The following XK variants were observed in gnomAD, a reference collection of about 807,000 sequenced individuals.
The protein encoded by XK is X-linked Kx blood group antigen, Kell and VPS13A binding protein.
XK carries 2 observed loss-of-function variants against 14.0 expected under a neutral mutation model. The observed-to-expected ratio is 0.14, with a 90% CI of 0.06 to 0.45. XK has a LOEUF of 0.45. Among genes scored for constraint, XK ranks in the 20% least tolerant of loss-of-function variants. XK has a pLI of 0.98. For synonymous variants in XK, 149 were observed against 147.5 expected, an observed-to-expected ratio of 1.01 and a Z score of -0.08; for missense variants, 235 against 341.5, an observed-to-expected ratio of 0.69 and a Z score of 2.46.
intron 2 of XK, among the ~76,000 whole-genome samples, chrX:37,701,259 G>A (rs1927410499): frequency 8.9e-6 from 1 of 112,514 alleles, no homozygotes; most frequent in South Asian, 3.7e-4. Context: ...ACAGCATAGA[G>A]TTATCAATGG....
rs1273679790 is a variant in XK, at chrX:37,691,314, C to CT, written c.246-2971dup. 2.7e-5 allele frequency among the ~76,000 whole-genome samples: 3 copies of CT among 112,655 alleles called. No homozygotes were observed. The Admixed American group carries it at 2.8e-4, about 11-fold the overall frequency. ...TTGTATGTTTTAGTCTTTCAAAACT[C>CT]TAAGCTTGATTTTATTATGCAAGTA... On this transcript the variant is annotated intron_variant, in intron 1 of 2. Transcript: ENST00000378616.
Position 37,729,487 on chromosome X carries a change from C to G in XK, c.*1025C>G, listed in dbSNP as rs1556450673. ...GACGGAATGACCAGAAAATTTTTGT[C>G]TTTCATGGAATGCAATTTGACTTGG... On this transcript the variant is annotated 3_prime_UTR_variant, in exon 3 of 3. Transcript: ENST00000378616. 1 of 111,897 alleles carries G rather than the reference C, an allele frequency of 8.9e-6. No individual in the cohort carries two copies. The highest frequency in any genetic ancestry group is 3.2e-5 in the African/African-American group (1 of 30,833). The allele number at this position is 111,897 out of a possible 1,213,427, so 9.2% of individuals were successfully genotyped here.
intron 1 of XK, among the ~76,000 whole-genome samples, chrX:37,688,049 TTCTTTCTTTC>T (rs199698231): frequency 0.12 from 9,440 of 78,812 alleles, 659 homozygotes; most frequent in African/African-American, 0.16. Context: ...CTTTCTTTCT[TTCTTTCTTTC>T]TTTTTTTTTT....
At chrX:37,699,896 C>T (rs1221632985) in intron 2 of XK, among the ~76,000 whole-genome samples, 4 of 110,666 alleles carry the variant, frequency 3.6e-5, no homozygotes, top group African/African-American at 6.6e-5. Flanking sequence ...GCACAGTGGG[C>T]GGGAATAAGC....
intron 2 of XK, among the ~76,000 whole-genome samples, chrX:37,710,475 CTGT>C (rs1266401962): frequency 5.4e-5 from 6 of 111,302 alleles, no homozygotes; most frequent in Middle Eastern, 4.7e-3. Context: ...AGATGTGAAC[CTGT>C]TGTTGTTTAC....
chrX:37,686,452 C>T (rs1225648825), intron 1 of XK, among the ~76,000 whole-genome samples: 1 of 112,096 alleles, frequency 8.9e-6, no homozygotes, highest in African/African-American at 3.2e-5. Context: ...AGCCAACATT[C>T]AACTGAAATT....
chrX:37,727,397 C>T (rs1313222461), intron 2 of XK, among the ~76,000 whole-genome samples: 3 of 111,187 alleles, frequency 2.7e-5, no homozygotes, highest in African/African-American at 6.5e-5. Flanking sequence ...GCATTGAGGG[C>T]GCTCTCGGGA....
chrX:37,708,788 TCTTTCTGCA>T (rs1323706697), intron 2 of XK, among the ~76,000 whole-genome samples: 2 of 112,647 alleles, frequency 1.8e-5, no homozygotes, highest in Admixed American at 1.9e-4. Flanking sequence ...CTTTCCAGAC[TCTTTCTGCA>T]AACCTCCTAC....
intron 2 of XK, among the ~76,000 whole-genome samples, chrX:37,711,297 T>C (rs927556734): frequency 8.9e-6 from 1 of 112,193 alleles, no homozygotes; most frequent in African/African-American, 3.2e-5. Context: ...TGGTGAAAGA[T>C]TCTGTGCACG....
At chrX:37,720,808 T>A (rs1388447085) in intron 2 of XK, among the ~76,000 whole-genome samples, 1 of 111,468 alleles carries the variant, frequency 9.0e-6, no homozygotes, top group Non-Finnish European at 1.9e-5. Context: ...TCACCTAGGA[T>A]AATGGCCTCT....
chrX:37,702,714 A>G (rs1927439236), intron 2 of XK, among the ~76,000 whole-genome samples: 1 of 112,172 alleles, frequency 8.9e-6, no homozygotes, highest in South Asian at 3.7e-4. Flanking sequence ...TCATTAATTT[A>G]TAGTAGTTGT....
intron 1 of XK, among the ~76,000 whole-genome samples, chrX:37,692,697 G>A (rs192070157): frequency 3.4e-4 from 38 of 112,139 alleles, no homozygotes; most frequent in Non-Finnish European, 5.1e-4. Context: ...CACTGCCCCC[G>A]GCCAGTTCAT....
chrX:37,690,720 T>C (rs1731165637), intron 1 of XK, among the ~76,000 whole-genome samples: 2 of 111,990 alleles, frequency 1.8e-5, no homozygotes, highest in Middle Eastern at 4.6e-3. Flanking sequence ...ACTTGAGCAG[T>C]TGCAACAGAG....
At chrX:37,686,469 C>G (rs138225994) in intron 1 of XK, among the ~76,000 whole-genome samples, 27 of 112,147 alleles carry the variant, frequency 2.4e-4, no homozygotes, top group African/African-American at 6.5e-4. Flanking sequence ...AATTGACCAA[C>G]AAAAATGGCA....
intron 2 of XK, among the ~76,000 whole-genome samples, chrX:37,718,704 A>G (rs2146829326): frequency 8.9e-6 from 1 of 111,976 alleles, no homozygotes; most frequent in South Asian, 3.7e-4. Flanking sequence ...TGAGAGTTCC[A>G]GTTGCTCCAT....
intron 2 of XK, among the ~76,000 whole-genome samples, chrX:37,723,614 G>T (rs1311829470): frequency 9.0e-6 from 1 of 111,159 alleles, no homozygotes; most frequent in African/African-American, 3.3e-5. Flanking sequence ...CTGAACAAGA[G>T]AAAAATGGAT....
At chrX:37,692,026 A>T (rs1273830254) in intron 1 of XK, among the ~76,000 whole-genome samples, 1 of 111,580 alleles carries the variant, frequency 9.0e-6, no homozygotes, top group Admixed American at 9.5e-5. Flanking sequence ...GTACTTCTAT[A>T]CCATTGATGT....
intron 2 of XK, among the ~76,000 whole-genome samples, chrX:37,697,087 TGCCACC>T (rs1927318939): frequency 8.9e-6 from 1 of 111,789 alleles, no homozygotes; most frequent in Non-Finnish European, 1.9e-5. Context: ...TAGGAATGTT[TGCCACC>T]AATGGCTTAG....
chrX:37,707,804 G>A (rs1163833725), intron 2 of XK, among the ~76,000 whole-genome samples: 1 of 112,524 alleles, frequency 8.9e-6, no homozygotes, highest in South Asian at 3.6e-4. Flanking sequence ...CAGATGGGGT[G>A]GCAGCCGGGC....
Sources: allele counts gnomAD v4.1 joint callset (sites outside exome capture counted in the v4.1 genomes callset), GRCh38; gene constraint gnomAD v4.1.1; transcripts MANE v1.5; gene names NCBI Gene and HGNC (gene_info 2026-07-23, HGNC 2026-07-21).